Variants in DPP10 observed in about 807,000 individuals in gnomAD.
DPP10 encodes the protein inactive dipeptidyl peptidase 10.
DPP10 carries 33 observed loss-of-function variants against 120.9 expected under a neutral mutation model. The ratio of observed to expected loss-of-function variants is 0.27; its 90% CI spans 0.21 to 0.37. The LOEUF is 0.37. Ranked by LOEUF, DPP10 falls within the 10% of genes least tolerant of loss-of-function variation. The probability of loss-of-function intolerance (pLI) is 1.00; values close to 1 mark genes in which losing one functional copy is unlikely to be tolerated. For synonymous variants in DPP10, 337 were observed against 326.1 expected (o/e 1.03, Z -0.36); for missense variants, 816 against 942.8 (o/e 0.87, Z 1.76).
chr2:114,455,884 T>A (rs1033784623), intron 1 of DPP10, among the ~76,000 whole-genome samples: 1 of 152,192 alleles, frequency 6.6e-6, no homozygotes, highest in African/African-American at 2.4e-5. Context: ...AAGGGCTTAA[T>A]TTTTTGAATG....
chr2:115,489,262 G>A lies in DPP10; in HGVS notation c.272-10248G>A, dbSNP rs11888107. ...TCTTTACAAAAACAGTTCTTAGAAA[G>A]CCAGATTAGCCCAATGCTGTAGTTT... On this transcript the variant is annotated intron_variant, in intron 3 of 25. Coordinates refer to ENST00000410059, the MANE Select transcript of DPP10 (RefSeq NM_020868.6). 2.5e-3 allele frequency among the ~76,000 whole-genome samples: 379 copies of A among 151,690 alleles called. 2 individuals are homozygous for A. Among genetic ancestry groups the A allele is most frequent in the African/African-American group, 9.0e-3 (373 of 41,328 alleles).
intron 1 of DPP10, among the ~76,000 whole-genome samples, chr2:114,876,067 A>G (rs997530077): frequency 6.6e-6 from 1 of 152,094 alleles, no homozygotes; most frequent in African/African-American, 2.4e-5. Context: ...TGACTGTTCA[A>G]ATATTTGACA....
chr2:115,841,903 C>T (rs1449398892), intron 25 of DPP10, among the ~76,000 whole-genome samples: 1 of 152,140 alleles, frequency 6.6e-6, no homozygotes, highest in African/African-American at 2.4e-5. Flanking sequence ...AGGCCAAGGG[C>T]CTTTAGTCAA....
chr2:115,216,736 G>A (rs186589025), intron 1 of DPP10, among the ~76,000 whole-genome samples: 202 of 152,112 alleles, frequency 1.3e-3, no homozygotes, highest in African/African-American at 4.7e-3. Context: ...CGTGAGCCCG[G>A]ATCGTGCCAT....
At chr2:114,820,393 A>G (rs1685990273) in intron 1 of DPP10, among the ~76,000 whole-genome samples, 1 of 152,222 alleles carries the variant, frequency 6.6e-6, no homozygotes, top group Non-Finnish European at 1.5e-5. Context: ...ATGTGATACC[A>G]AATTCTATAC....
At chr2:115,712,082 C>A (rs2092337656) in intron 7 of DPP10, among the ~76,000 whole-genome samples, 1 of 151,306 alleles carries the variant, frequency 6.6e-6, no homozygotes, top group African/African-American at 2.4e-5. Flanking sequence ...ATTTATTGTG[C>A]ACTTGATTAC....
intron 1 of DPP10, among the ~76,000 whole-genome samples, chr2:114,670,158 TC>T (rs992979083): frequency 5.4e-4 from 82 of 152,116 alleles, no homozygotes; most frequent in Non-Finnish European, 1.0e-3. Context: ...GACCCAGCCA[TC>T]CCATTACTGG....
chr2:115,819,636 A>C (rs17045103), intron 21 of DPP10, among the ~76,000 whole-genome samples: 1,962 of 150,352 alleles, frequency 0.013, 44 homozygotes, highest in African/African-American at 0.043. Context: ...CTTTTTATAT[A>C]CATTTTTTCA....
At chr2:115,516,985 G>A (rs2077540036) in intron 4 of DPP10, among the ~76,000 whole-genome samples, 1 of 152,084 alleles carries the variant, frequency 6.6e-6, no homozygotes, top group African/African-American at 2.4e-5. Flanking sequence ...GAAAGACTGT[G>A]GAATAATAGA....
chr2:115,311,961 G>A (rs1187317680), intron 2 of DPP10, among the ~76,000 whole-genome samples: 1 of 151,876 alleles, frequency 6.6e-6, no homozygotes, highest in African/African-American at 2.4e-5. Context: ...TCTCTGTGTT[G>A]TCCAGGCTGG....
rs577620378 is a variant in DPP10, at chr2:115,210,121, T to C, written c.61-99118T>C. 6.4e-4 allele frequency among the ~76,000 whole-genome samples: 98 copies of C among 152,256 alleles called. 2 individuals carry two copies. The highest frequency in any genetic ancestry group is 2.1e-3 in the African/African-American group (88 of 41,554). On this transcript the variant is annotated intron_variant, in intron 1 of 25. Coordinates refer to ENST00000410059, the MANE Select transcript of DPP10 (RefSeq NM_020868.6). ...GTGCCATGTTGGTGTGCTGCACCCA[T>C]TAACTCGTCATTTACATTAGGTATA...
At chr2:115,720,025 T>C (rs1346806166) in intron 7 of DPP10, among the ~76,000 whole-genome samples, 1 of 152,206 alleles carries the variant, frequency 6.6e-6, no homozygotes, top group African/African-American at 2.4e-5. Flanking sequence ...TCTATCTATC[T>C]ACCCATATAA....
chr2:115,583,113 T>C (rs1352293554), intron 5 of DPP10, among the ~76,000 whole-genome samples: 2 of 152,234 alleles, frequency 1.3e-5, no homozygotes, highest in Non-Finnish European at 2.9e-5. Context: ...ATATTTGCAT[T>C]GGGTTTTATA....
rs557524560 is a variant in DPP10 at position 114,566,991 on chromosome 2, C to T, written c.60+124153C>T. On this transcript the variant is annotated intron_variant, in intron 1 of 25. Transcript: ENST00000410059. ...CCTAATGCCAAACGTTGGTTCATTA[C>T]AGCACCAGAGTGGGCTGAGAGAGCT... Among the ~76,000 whole-genome samples, 113 of 152,276 alleles carry T rather than the reference C, an allele frequency of 7.4e-4. 1 individual carries two copies. In the Middle Eastern group the frequency reaches 0.01, roughly 14 times the overall value.
At chr2:115,717,020 T>C (rs2149594849) in intron 7 of DPP10, among the ~76,000 whole-genome samples, 1 of 152,326 alleles carries the variant, frequency 6.6e-6, no homozygotes, top group African/African-American at 2.4e-5. Context: ...AATACAAATG[T>C]AAAAACAAAT....
chr2:115,392,468 AT>A, intron 3 of DPP10, among the ~76,000 whole-genome samples: 1 of 47,938 alleles, frequency 2.1e-5, no homozygotes, highest in Admixed American at 2.1e-4. Flanking sequence ...TATTTCACAA[AT>A]AAAGATGTAT....
In DPP10 at chr2:114,574,232, A is replaced by AT. The variant is rs1689877224; in HGVS notation, c.60+131394_60+131395insT. ...GCAAGCATCAGCACTGTGATCCAAT[A>AT]ATCTGTTACAAAATTCATAGGTTTT... On this transcript the variant is annotated intron_variant, in intron 1 of 25. Coordinates refer to ENST00000410059, the MANE Select transcript of DPP10 (RefSeq NM_020868.6). Among the ~76,000 whole-genome samples, 2 of 152,112 alleles carry AT rather than the reference A, an allele frequency of 1.3e-5. 1 individual carries two copies. Among genetic ancestry groups the AT allele is most frequent in the South Asian group, 4.1e-4 (2 of 4,830 alleles).
At chr2:114,589,973 A>G (rs1020774242) in intron 1 of DPP10, among the ~76,000 whole-genome samples, 1 of 152,138 alleles carries the variant, frequency 6.6e-6, no homozygotes. Context: ...GATGATTCAG[A>G]TATGACCCTA....
At chr2:115,079,984 G>A (rs1408455462) in intron 1 of DPP10, among the ~76,000 whole-genome samples, 1 of 152,134 alleles carries the variant, frequency 6.6e-6, no homozygotes, top group African/African-American at 2.4e-5. Flanking sequence ...AGAAGGAAGG[G>A]TCAGAGGCTA....
Sources: gnomAD v4.1 joint callset for allele counts (sites outside exome capture counted in the v4.1 genomes callset) on GRCh38, gnomAD v4.1.1 for gene constraint, MANE v1.5 for transcripts, NCBI Gene and HGNC (gene_info 2026-07-23, HGNC 2026-07-21) for gene names.